NFIX: variants seen among roughly 807,000 people sequenced by gnomAD.
NFIX encodes nuclear factor 1 X-type.
Under a neutral mutation model 53.3 loss-of-function variants are expected in NFIX, and 2 were observed. The ratio of observed to expected loss-of-function variants is 0.04; its 90% CI spans 0.02 to 0.12. The LOEUF is 0.12. Among genes scored for constraint, NFIX ranks in the 10% least tolerant of loss-of-function variants. The probability of loss-of-function intolerance (pLI) is 1.00; values close to 1 mark genes in which losing one functional copy is unlikely to be tolerated. For synonymous variants in NFIX, 244 were observed against 289.0 expected, an observed-to-expected ratio of 0.84 and a Z score of 1.58; for missense variants, 310 against 674.5, an observed-to-expected ratio of 0.46 and a Z score of 5.99.
At chr19:13,064,177 C>T (rs2016262006) in intron 2 of NFIX, among the ~76,000 whole-genome samples, 1 of 152,166 alleles carries the variant, frequency 6.6e-6, no homozygotes, top group Admixed American at 6.5e-5. Context: ...GGGATAGAAG[C>T]TTCAGGGGCT....
rs1482852472 is a variant in NFIX at position 13,072,418 on chromosome 19, C to A, written c.560-629C>A. The stretch of plus-strand genomic sequence containing the variant: ...CGGGCGACAGCGTCAGGGCAGACCT[C>A]CCCCCTCTGGGTTGCCAGGCACTGC... On this transcript the variant is annotated intron_variant, in intron 2 of 10. Transcript: ENST00000592199. This position sits in a 1 kb window ranked among gnomAD's most constrained non-coding sequence, Gnocchi z 4.0. 2.0e-5 allele frequency among the ~76,000 whole-genome samples: 3 copies of A among 152,242 alleles called. No individual in the cohort carries two copies. Among genetic ancestry groups the A allele is most frequent in the African/African-American group, 7.2e-5 (3 of 41,464 alleles).
intron 2 of NFIX, among the ~76,000 whole-genome samples, chr19:13,048,584 G>T (rs1382204034): frequency 6.6e-6 from 1 of 152,030 alleles, no homozygotes; most frequent in Admixed American, 6.5e-5. Context: ...ACAAGGCCAG[G>T]CATGGTGGCT....
In NFIX at chr19:13,094,792, T is replaced by C; in HGVS notation, c.*143T>C. ...TTACACGTCGTCAGCCACTCAGCCCTTCTCTCCTCCAGCCCGGGGACCCCC... is the reference window on the plus strand; with the variant it reads ...TTACACGTCGTCAGCCACTCAGCCCCTCTCTCCTCCAGCCCGGGGACCCCC... On this transcript the variant is annotated 3_prime_UTR_variant, in exon 11 of 11. Coordinates refer to ENST00000592199, the MANE Select transcript of NFIX (RefSeq NM_001365902.3). This position sits in a 1 kb window ranked among gnomAD's most constrained non-coding sequence, Gnocchi z 4.3. The C allele has an allele frequency of 1.2e-6, 1 of 861,754 alleles. No individual in the cohort carries two copies. Among genetic ancestry groups the C allele is most frequent in the Non-Finnish European group, 1.8e-6 (1 of 559,604 alleles). 53.4% of individuals were successfully genotyped at this position (861,754 alleles called of 1,614,324 possible). A position where few individuals can be genotyped will look rare whatever the true frequency, so the allele number is the denominator to read the frequency against.
rs369969283 is a variant in NFIX, at chr19:13,028,845, C to T, written c.559+3293C>T. On this transcript the variant is annotated intron_variant, in intron 2 of 10. Coordinates refer to ENST00000592199, the MANE Select transcript of NFIX (RefSeq NM_001365902.3). This position sits in a 1 kb window ranked among gnomAD's most constrained non-coding sequence, Gnocchi z 4.2. The stretch of plus-strand genomic sequence containing the variant: ...AAGGATGGCCGAGCTGGCCTAGAAC[C>T]GCTGCTAGACTATCTCCAAAGTTTC... Among the ~76,000 whole-genome samples, 37 of 152,230 alleles carry T rather than the reference C, an allele frequency of 2.4e-4. No homozygotes were observed. The highest frequency in any genetic ancestry group is 1.5e-3 in the South Asian group (7 of 4,820).
chr19:13,024,004 G>A, intron 1 of NFIX: 4 of 1,508,498 alleles, frequency 2.7e-6, no homozygotes, highest in Non-Finnish European at 2.6e-6. Context: ...AGAATCGGGC[G>A]TTGGGCTTTG....
chr19:13,077,574 C>A (rs541136358), intron 6 of NFIX, among the ~76,000 whole-genome samples: 1 of 152,294 alleles, frequency 6.6e-6, no homozygotes, highest in East Asian at 1.9e-4. Flanking sequence ...GGAGTTCGCC[C>A]TTCCCCCGCC....
At chr19:13,023,070 T>TTC (rs3840930) in intron 1 of NFIX, among the ~76,000 whole-genome samples, 45,532 of 137,854 alleles carry the variant, frequency 0.33, 8,100 homozygotes, top group East Asian at 0.65. Flanking sequence ...TTCTCTCTCT[T>TTC]TCTCTCTCTC....
At chr19:13,071,915 T>A (rs2016798735) in intron 2 of NFIX, among the ~76,000 whole-genome samples, 1 of 152,200 alleles carries the variant, frequency 6.6e-6, no homozygotes, top group Non-Finnish European at 1.5e-5. Flanking sequence ...CTAGGGCTGA[T>A]GTCACCTTTT....
In NFIX at chr19:13,011,242, C is replaced by T. The variant is rs536459260; in HGVS notation, c.28-13779C>T. Among the ~76,000 whole-genome samples the T allele has an allele frequency of 2.0e-5, 3 of 152,338 alleles. No homozygotes were observed. Among genetic ancestry groups the T allele is most frequent in the South Asian group, 2.1e-4 (1 of 4,830 alleles). On this transcript the variant is annotated intron_variant, in intron 1 of 10. Transcript: ENST00000592199. This position sits in a 1 kb window ranked among gnomAD's most constrained non-coding sequence, Gnocchi z 6.5. ...TCCGAATCCCGCAGCCCCAGAAACACAATCGCGGGGGTGGGTGCTGGCGGC... is the reference window on the plus strand; with the variant it reads ...TCCGAATCCCGCAGCCCCAGAAACATAATCGCGGGGGTGGGTGCTGGCGGC...
At chr19:13,069,369 C>T (rs974543593) in intron 2 of NFIX, among the ~76,000 whole-genome samples, 5 of 152,138 alleles carry the variant, frequency 3.3e-5, no homozygotes, top group South Asian at 4.1e-4. Context: ...GGGTGTCGGC[C>T]GATGACAGAG....
chr19:13,086,405 T>C (rs1341633089), intron 8 of NFIX, among the ~76,000 whole-genome samples: 3 of 152,218 alleles, frequency 2.0e-5, no homozygotes, highest in Non-Finnish European at 4.4e-5. Context: ...ATTCCAGGTC[T>C]GGCCAGTTGC....
At chr19:13,034,721 A>G (rs898543586) in intron 2 of NFIX, among the ~76,000 whole-genome samples, 3 of 152,222 alleles carry the variant, frequency 2.0e-5, no homozygotes, top group African/African-American at 2.4e-5. Flanking sequence ...ACTTCTTCAC[A>G]TTGACTCTCA....
rs963681495 is a variant in NFIX at position 12,996,390 on chromosome 19, G to T, written c.27+526G>T. On this transcript the variant is annotated intron_variant, in intron 1 of 10. Coordinates refer to ENST00000592199, the MANE Select transcript of NFIX (RefSeq NM_001365902.3). The surrounding 1 kb of genome is among the most constrained non-coding windows in gnomAD (Gnocchi z 5.2). Reference sequence around the variant, plus strand: ...GGCAGTGGCCGGCGTGCGTGGCGGCGGCCCTTGCGTGCGGCCGGGGTGCCT... The same window carrying T: ...GGCAGTGGCCGGCGTGCGTGGCGGCTGCCCTTGCGTGCGGCCGGGGTGCCT... 1.2e-4 allele frequency among the ~76,000 whole-genome samples: 18 copies of T among 152,072 alleles called. No individual in the cohort carries two copies. Among genetic ancestry groups the T allele is most frequent in the Admixed American group, 1.2e-3 (18 of 15,284 alleles).
intron 1 of NFIX, among the ~76,000 whole-genome samples, chr19:13,016,517 C>T (rs1347614121): frequency 6.6e-6 from 1 of 151,350 alleles, no homozygotes; most frequent in Non-Finnish European, 1.5e-5. Flanking sequence ...TCTGCCCCTG[C>T]CCCCCGCCCC....
Position 13,045,450 on chromosome 19 carries a change from G to A in NFIX, c.559+19898G>A, listed in dbSNP as rs1267992423. ...GGGATGCTGCTAGCTGTCCTACACTGCACAAGACGACCCCCCATAGAAGAC... is the reference window on the plus strand; with the variant it reads ...GGGATGCTGCTAGCTGTCCTACACTACACAAGACGACCCCCCATAGAAGAC... On this transcript the variant is annotated intron_variant, in intron 2 of 10. Transcript: ENST00000592199. This position sits in a 1 kb window ranked among gnomAD's most constrained non-coding sequence, Gnocchi z 4.4. Among the ~76,000 whole-genome samples the A allele has an allele frequency of 4.6e-5, 7 of 152,052 alleles. No individual in the cohort carries two copies. Among genetic ancestry groups the A allele is most frequent in the Admixed American group, 4.6e-4 (7 of 15,274 alleles).
rs1453231092 is a variant in NFIX, at chr19:13,067,972, ACAGGTGCCT to A, written c.560-5074_560-5066del. ...TACAAAAAATTAGCTGGTCCTGGTGACAGGTGCCTGTAGTTCCCAGTACTCGGGAGGCTG... is the reference window on the plus strand; with the variant it reads ...TACAAAAAATTAGCTGGTCCTGGTGAGTAGTTCCCAGTACTCGGGAGGCTG... On this transcript the variant is annotated intron_variant, in intron 2 of 10. Transcript: ENST00000592199. The surrounding 1 kb of genome is among the most constrained non-coding windows in gnomAD (Gnocchi z 4.2). Among the ~76,000 whole-genome samples, 1 of 151,858 alleles carries A rather than the reference ACAGGTGCCT, an allele frequency of 6.6e-6. No individual in the cohort carries two copies. The highest frequency in any genetic ancestry group is 2.4e-5 in the African/African-American group (1 of 41,326).
At chr19:13,018,829 G>A (rs551875498) in intron 1 of NFIX, among the ~76,000 whole-genome samples, 26 of 152,246 alleles carry the variant, frequency 1.7e-4, no homozygotes, top group East Asian at 7.7e-4. Flanking sequence ...TCAGGGTTAC[G>A]AAGCCGGCTT....
Position 13,094,823 on chromosome 19 carries a change from C to A in NFIX, c.*174C>A, listed in dbSNP as rs1289615291. ...CCTCCAGCCCGGGGACCCCCGCGGGCCCCAGAAGCAGCCCAGTTCTCAGAG... is the reference window on the plus strand; with the variant it reads ...CCTCCAGCCCGGGGACCCCCGCGGGACCCAGAAGCAGCCCAGTTCTCAGAG... On this transcript the variant is annotated 3_prime_UTR_variant, in exon 11 of 11. Coordinates refer to ENST00000592199, the MANE Select transcript of NFIX (RefSeq NM_001365902.3). The surrounding 1 kb of genome is among the most constrained non-coding windows in gnomAD (Gnocchi z 4.3). The A allele has an allele frequency of 3.1e-6, 2 of 653,986 alleles. No individual in the cohort carries two copies. Among genetic ancestry groups the A allele is most frequent in the African/African-American group, 3.7e-5 (2 of 54,716 alleles). 40.5% of individuals were successfully genotyped at this position (653,986 alleles called of 1,614,324 possible). A position where few individuals can be genotyped will look rare whatever the true frequency, so the allele number is the denominator to read the frequency against.
In NFIX at chr19:13,073,894, C is replaced by T. The variant is rs372409455; in HGVS notation, c.698-12C>T. On this transcript the variant is annotated splice_polypyrimidine_tract_variant and intron_variant, in intron 4 of 10. Transcript: ENST00000592199. The surrounding 1 kb of genome is among the most constrained non-coding windows in gnomAD (Gnocchi z 4.5). ...CCACCTCCAAACCTCATCACCCTCT[C>T]GTTCTTCCCAGCTCCTGTTGCAACA... 665 of 1,613,982 alleles carry T rather than the reference C, an allele frequency of 4.1e-4. 2 individuals carry two copies. Among genetic ancestry groups the T allele is most frequent in the Admixed American group, 1.6e-3 (97 of 60,024 alleles).
Sources: allele counts gnomAD v4.1 joint callset (sites outside exome capture counted in the v4.1 genomes callset), GRCh38; gene constraint gnomAD v4.1.1; non-coding constraint Gnocchi (gnomAD v3.1); transcripts MANE v1.5; gene names NCBI Gene and HGNC (gene_info 2026-07-23, HGNC 2026-07-21).